The following ZNF800 variants were observed in gnomAD, a reference collection of about 807,000 sequenced individuals.
The protein encoded by ZNF800 is zinc finger protein 800.
In ZNF800, 13 loss-of-function variants were observed where a neutral mutation model predicts 59.5. That is an observed-to-expected ratio of 0.22 (90% confidence interval 0.14 to 0.35). The LOEUF is 0.35. Ranked by LOEUF, ZNF800 falls within the 10% of genes least tolerant of loss-of-function variation. ZNF800 has a pLI of 1.00. For missense variants in ZNF800, 621 were observed against 783.7 expected, an observed-to-expected ratio of 0.79 and a Z score of 2.48; for synonymous variants, 266 against 265.7, an observed-to-expected ratio of 1.00 and a Z score of -0.01.
rs201945864 is a variant in ZNF800, at chr7:127,371,840, C to T, written c.*-26G>A. ...CTGAGGAGAAATGGGAATAAATGAA[C>T]ACTTTTGAGTTTACTAATAAAACCT... On this transcript the variant is annotated intron_variant, in intron 5 of 5. Coordinates refer to ENST00000265827, the MANE Select transcript of ZNF800 (RefSeq NM_176814.5). 9 of 764,926 alleles carry T rather than the reference C, an allele frequency of 1.2e-5. No homozygotes were observed. The African/African-American group carries it at 1.4e-4, about 12-fold the overall frequency. The allele number at this position is 764,926 out of a possible 1,614,324, so 47.4% of individuals were successfully genotyped here. A position where few individuals can be genotyped will look rare whatever the true frequency, so the allele number is the denominator to read the frequency against.
At chr7:127,346,566 G>A (rs977640023), downstream of ZNF800, among the ~76,000 whole-genome samples, 7 of 152,194 alleles carry the variant, frequency 4.6e-5, no homozygotes, top group Non-Finnish European at 1.0e-4. Flanking sequence ...GGACGAGAAC[G>A]CAAGACAGGG....
chr7:127,352,427 T>A (rs1046851762), intron 1 of ZNF800, among the ~76,000 whole-genome samples: 2 of 152,206 alleles, frequency 1.3e-5, no homozygotes, highest in Non-Finnish European at 2.9e-5. Context: ...TGGCCATGCA[T>A]CTGCAGCCTG....
At chr7:127,361,807 A>G (rs1800398493) in intron 1 of ZNF800, 1 of 152,160 alleles carries the variant, frequency 6.6e-6, no homozygotes, top group South Asian at 2.1e-4. Flanking sequence ...TATGTTCTAA[A>G]TATAATCTAT....
chr7:127,355,002 T>C (rs997104538), intron 1 of ZNF800, among the ~76,000 whole-genome samples: 3 of 152,236 alleles, frequency 2.0e-5, no homozygotes, highest in Middle Eastern at 3.4e-3. Flanking sequence ...ATCCAAACTA[T>C]TGCTTCTGAG....
chr7:127,371,958 C>T (rs1441812324), intron 5 of ZNF800, 144 bp from the exon 6 acceptor site: 1 of 586,406 alleles, frequency 1.7e-6, no homozygotes, highest in Admixed American at 3.2e-5. Flanking sequence ...ATAATCAAAC[C>T]ACAACATTTA....
At chr7:127,381,564 GCA>G (rs1800978437) in intron 3 of ZNF800, among the ~76,000 whole-genome samples, 1 of 151,830 alleles carries the variant, frequency 6.6e-6, no homozygotes, top group South Asian at 2.1e-4. Context: ...CACTTATTGA[GCA>G]CACATTAAAT....
intron 1 of ZNF800, among the ~76,000 whole-genome samples, chr7:127,353,651 A>T (rs1800212983): frequency 6.6e-6 from 1 of 152,236 alleles, no homozygotes; most frequent in Admixed American, 6.5e-5. Context: ...CTGACTAATT[A>T]TCTAACATGA....
intron 1 of ZNF800, among the ~76,000 whole-genome samples, chr7:127,355,476 T>C (rs1403368844): frequency 2.0e-5 from 3 of 151,874 alleles, no homozygotes; most frequent in Non-Finnish European, 2.9e-5. Context: ...GAAAAATAAA[T>C]GGTAAGGTAA....
intron 3 of ZNF800, among the ~76,000 whole-genome samples, chr7:127,378,860 T>C (rs1383875447): frequency 6.6e-6 from 1 of 152,134 alleles, no homozygotes; most frequent in African/African-American, 2.4e-5. Context: ...TCTACTTGTG[T>C]GACCTTAAAA....
At chr7:127,365,548 CCAAAA>C (rs140079334), downstream of ZNF800, among the ~76,000 whole-genome samples, 873 of 152,056 alleles carry the variant, frequency 5.7e-3, 7 homozygotes, top group African/African-American at 0.018. Context: ...CTAATGTTTA[CCAAAA>C]CAAAACAAAA....
chr7:127,367,592 T>G (rs193266815), downstream of ZNF800, among the ~76,000 whole-genome samples: 14 of 152,156 alleles, frequency 9.2e-5, no homozygotes, highest in Non-Finnish European at 2.1e-4. Flanking sequence ...TATTAGCTAT[T>G]ACTAAGAATT....
intron 2 of ZNF800, among the ~76,000 whole-genome samples, chr7:127,387,145 T>C (rs901047128): frequency 6.6e-6 from 1 of 152,186 alleles, no homozygotes; most frequent in African/African-American, 2.4e-5. Flanking sequence ...AGACTAGTAG[T>C]ATAGATACAT....
intron 4 of ZNF800, among the ~76,000 whole-genome samples, chr7:127,375,978 A>G (rs929330420): frequency 2.6e-5 from 4 of 151,974 alleles, no homozygotes; most frequent in African/African-American, 9.7e-5. Flanking sequence ...GTAATCTAGC[A>G]AATCCATTTA....
At chr7:127,380,610 T>C (rs1367819353) in intron 3 of ZNF800, among the ~76,000 whole-genome samples, 3 of 152,220 alleles carry the variant, frequency 2.0e-5, no homozygotes, top group Non-Finnish European at 4.4e-5. Flanking sequence ...TCTGCTCACT[T>C]ACAATTGGAC....
chr7:127,373,284 GA>G, intron 5 of ZNF800, 57 bp downstream of exon 5: 3 of 1,524,310 alleles, frequency 2.0e-6, no homozygotes, highest in Non-Finnish European at 2.6e-6. Flanking sequence ...ATGGTCAAAT[GA>G]TTTTTTTTTT....
Position 127,386,100 on chromosome 7 carries a change from G to A in ZNF800, c.117C>T (p.Ser39=). 6.2e-7 allele frequency: 1 copy of A among 1,611,772 alleles called. No individual in the cohort carries two copies. Reference sequence around the variant, plus strand: ...CAATTATTTGTTGAATACCAGATTTGGATGTCTGTAGTGGTTGCTGTAACA... The same window carrying A: ...CAATTATTTGTTGAATACCAGATTTAGATGTCTGTAGTGGTTGCTGTAACA... ...PPLLQQPLQT[S]KSGIQQIIEC... The change falls in exon 3 of 6, where the codon TCC becomes TCT. Residue 39 remains serine (S), a synonymous_variant. Transcript: ENST00000265827.
chr7:127,362,669 A>C (rs1800417822), intron 1 of ZNF800: 1 of 152,204 alleles, frequency 6.6e-6, no homozygotes, highest in African/African-American at 2.4e-5. Context: ...ACATTAAACA[A>C]ATCAATGCAC....
chr7:127,389,549 A>G (rs1801242807), intron 2 of ZNF800, among the ~76,000 whole-genome samples: 1 of 152,132 alleles, frequency 6.6e-6, no homozygotes, highest in Non-Finnish European at 1.5e-5. Flanking sequence ...ACACTACAAC[A>G]TATTTCTTTC....
chr7:127,387,040 T>C (rs1801156341), intron 2 of ZNF800, among the ~76,000 whole-genome samples: 1 of 152,186 alleles, frequency 6.6e-6, no homozygotes, highest in East Asian at 1.9e-4. Flanking sequence ...AGGACACATT[T>C]TTACAATAAG....
Sources: allele counts gnomAD v4.1 joint callset (sites outside exome capture counted in the v4.1 genomes callset), GRCh38; gene constraint gnomAD v4.1.1; transcripts MANE v1.5; gene names NCBI Gene and HGNC (gene_info 2026-07-23, HGNC 2026-07-21).